Variants in RUNX1 observed in about 807,000 individuals in gnomAD.
RUNX1 encodes RUNX family transcription factor 1.
In RUNX1, 19 loss-of-function variants were observed where a neutral mutation model predicts 42.8. The observed-to-expected ratio is 0.44, with a 90% CI of 0.31 to 0.65. RUNX1 has a LOEUF of 0.65. RUNX1 is among the 30% of genes least tolerant of loss of function. The probability of loss-of-function intolerance (pLI) is 0.07; values close to 1 mark genes in which losing one functional copy is unlikely to be tolerated. For synonymous variants in RUNX1, 271 were observed against 289.4 expected, an observed-to-expected ratio of 0.94 and a Z score of 0.64; for missense variants, 528 against 672.0, an observed-to-expected ratio of 0.79 and a Z score of 2.37.
At chr21:34,816,873 G>C (rs1418249274) in intron 7 of RUNX1, among the ~76,000 whole-genome samples, 1 of 152,164 alleles carries the variant, frequency 6.6e-6, no homozygotes, top group Non-Finnish European at 1.5e-5. Flanking sequence ...GCAAGAATGA[G>C]CTTCGGAAGA....
At chr21:35,041,656 CTTTCT>C (rs1568809230) in intron 2 of RUNX1, among the ~76,000 whole-genome samples, 7 of 126,840 alleles carry the variant, frequency 5.5e-5, no homozygotes, top group African/African-American at 1.4e-4. Flanking sequence ...CTTTTTCTTT[CTTTCT>C]TTTTTTTTTT....
chr21:34,792,598 A>C lies in RUNX1; in HGVS notation c.980T>G (p.Leu327Arg), dbSNP rs915447247. The C allele has an allele frequency of 1.3e-6, 2 of 1,592,950 alleles. No individual in the cohort carries two copies. Among genetic ancestry groups the C allele is most frequent in the Non-Finnish European group, 1.7e-6 (2 of 1,170,186 alleles). The part of the protein sequence containing the change: ...LSSRLSTAPD[L>R]TAFSDPRQFP... ...CTGGCGCGGGTCGCTGAACGCTGTC[A>C]GGTCGGGTGCCGCTGCAGGGCGGGC... The change falls in exon 9 of 9, where the codon CTG becomes CGG. Residue 327 changes from leucine to arginine, a missense_variant. This residue lies in a region of RUNX1 where 331 missense variants were observed against 382.5 expected (regional missense o/e 0.87). Coordinates refer to ENST00000675419, the MANE Select transcript of RUNX1 (RefSeq NM_001754.5). The surrounding 1 kb of genome is among the most constrained non-coding windows in gnomAD (Gnocchi z 6.9).
intron 2 of RUNX1, among the ~76,000 whole-genome samples, chr21:34,996,364 G>C (rs1365370429): frequency 6.6e-6 from 1 of 152,110 alleles, no homozygotes; most frequent in African/African-American, 2.4e-5. Context: ...CATTATAAGG[G>C]TGGGACTGGG....
chr21:34,888,098 C>T (rs922713423), intron 3 of RUNX1: 1 of 1,066,164 alleles, frequency 9.4e-7, no homozygotes, highest in South Asian at 4.5e-5. Context: ...CATGCAAACA[C>T]GCACTCTTCG....
In RUNX1 at chr21:34,993,987, A is replaced by C. The variant is rs971711629; in HGVS notation, c.58+54855T>G. Among the ~76,000 whole-genome samples the C allele has an allele frequency of 3.3e-5, 5 of 152,368 alleles. No homozygotes were observed. In the East Asian group the frequency reaches 9.6e-4, roughly 29 times the overall value. On this transcript the variant is annotated intron_variant, in intron 2 of 8. Transcript: ENST00000675419. ...GATTTTTTCATATCCTTTGAAGTCAAGCAAGTGGTTTTGGGGAAAGGGTTG... is the reference window on the plus strand; with the variant it reads ...GATTTTTTCATATCCTTTGAAGTCACGCAAGTGGTTTTGGGGAAAGGGTTG...
At chr21:34,892,037 C>G (rs920759566) in intron 3 of RUNX1, among the ~76,000 whole-genome samples, 1 of 152,190 alleles carries the variant, frequency 6.6e-6, no homozygotes, top group South Asian at 2.1e-4. Context: ...GGATTAGAAT[C>G]TCAACAATTC....
chr21:34,840,273 G>GT (rs1401544977), intron 6 of RUNX1, among the ~76,000 whole-genome samples: 3 of 152,280 alleles, frequency 2.0e-5, no homozygotes, highest in Non-Finnish European at 4.4e-5. Flanking sequence ...ACAGGACCGG[G>GT]TGTTAATGCA....
chr21:34,996,918 C>T (rs2146856750), intron 2 of RUNX1, among the ~76,000 whole-genome samples: 1 of 152,272 alleles, frequency 6.6e-6, no homozygotes, highest in South Asian at 2.1e-4. Flanking sequence ...GATACTATCA[C>T]AATATTTTGC....
Position 34,841,326 on chromosome 21 carries a change from G to T in RUNX1, c.614-6725C>A, listed in dbSNP as rs192540229. On this transcript the variant is annotated intron_variant, in intron 6 of 8. Coordinates refer to ENST00000675419, the MANE Select transcript of RUNX1 (RefSeq NM_001754.5). Reference sequence around the variant, plus strand: ...TTACCCACTCAGCGATTTCTAGAGGGGTGATGCTTTAGCCCCAGAGAATCA... The same window carrying T: ...TTACCCACTCAGCGATTTCTAGAGGTGTGATGCTTTAGCCCCAGAGAATCA... Among the ~76,000 whole-genome samples the T allele has an allele frequency of 5.9e-5, 9 of 152,190 alleles. No homozygotes were observed. The East Asian group carries it at 1.7e-3, about 29-fold the overall frequency.
Position 35,026,387 on chromosome 21 carries a change from T to C in RUNX1, c.58+22455A>G, listed in dbSNP as rs55876600. Among the ~76,000 whole-genome samples the C allele has an allele frequency of 3.5e-3, 527 of 152,266 alleles. 4 individuals are homozygous for C. Among genetic ancestry groups the C allele is most frequent in the Non-Finnish European group, 5.8e-3 (395 of 68,016 alleles). On this transcript the variant is annotated intron_variant, in intron 2 of 8. Transcript: ENST00000675419. ...AAAGGGGAAGATTGATAATTAGTTA[T>C]TCACCGCATAGAATCAGGCCAGGTC...
At chr21:34,923,147 T>C (rs948423589) in intron 2 of RUNX1, among the ~76,000 whole-genome samples, 1 of 152,224 alleles carries the variant, frequency 6.6e-6, no homozygotes, top group African/African-American at 2.4e-5. Flanking sequence ...ATTACCTCTG[T>C]TATGGTATGG....
intron 6 of RUNX1, among the ~76,000 whole-genome samples, chr21:34,847,046 A>C (rs557658205): frequency 2.0e-5 from 3 of 152,352 alleles, no homozygotes; most frequent in African/African-American, 4.8e-5. Context: ...AGGGGAAAAA[A>C]GGAATACGGA....
Position 35,010,864 on chromosome 21 carries a change from C to G in RUNX1, c.58+37978G>C, listed in dbSNP as rs78623271. Among the ~76,000 whole-genome samples, 247 of 152,290 alleles carry G rather than the reference C, an allele frequency of 1.6e-3. 10 individuals carry two copies. In the East Asian group the frequency reaches 0.036, roughly 22 times the overall value. ...CTATCATTAGAATCATCTGAAACAT[C>G]AGAATCATCTATTCTGGAAAAATCG... On this transcript the variant is annotated intron_variant, in intron 2 of 8. Coordinates refer to ENST00000675419, the MANE Select transcript of RUNX1 (RefSeq NM_001754.5).
intron 2 of RUNX1, among the ~76,000 whole-genome samples, chr21:35,023,870 A>G (rs2834737): frequency 0.45 from 68,867 of 151,614 alleles, 16,233 homozygotes; most frequent in Middle Eastern, 0.51. Context: ...TTTTGTAAAA[A>G]TAATAAACAC....
chr21:34,930,270 G>GTGTGTGTATATATATATATATATA (rs372412304), intron 2 of RUNX1, among the ~76,000 whole-genome samples: 5 of 122,944 alleles, frequency 4.1e-5, no homozygotes, highest in African/African-American at 1.5e-4. Context: ...GTGTGTGTAT[G>GTGTGTGTATATATATATATATATA]TATATATATA....
At chr21:34,865,956 G>A (rs1315159911) in intron 5 of RUNX1, among the ~76,000 whole-genome samples, 2 of 152,162 alleles carry the variant, frequency 1.3e-5, no homozygotes, top group Non-Finnish European at 2.9e-5. Context: ...ATAACACCCC[G>A]TGTCTGACGG....
At chr21:34,834,732 A>G in intron 6 of RUNX1, 131 bp from the exon 7 acceptor site, 1 of 793,694 alleles carries the variant, frequency 1.3e-6, no homozygotes, top group Non-Finnish European at 2.0e-6. Flanking sequence ...CCTCACCCCA[A>G]CATAGACTCG....
chr21:35,027,377 T>C (rs2059245163), intron 2 of RUNX1, among the ~76,000 whole-genome samples: 1 of 152,258 alleles, frequency 6.6e-6, no homozygotes, highest in South Asian at 2.1e-4. Flanking sequence ...CCTCAGATTC[T>C]GCACTTCTAA....
intron 7 of RUNX1, among the ~76,000 whole-genome samples, chr21:34,816,899 G>T (rs190977377): frequency 6.6e-6 from 1 of 152,270 alleles, no homozygotes; most frequent in African/African-American, 2.4e-5. Flanking sequence ...GCACCTTGTG[G>T]CCCAGAACAA....
Sources: gnomAD v4.1 joint callset for allele counts (sites outside exome capture counted in the v4.1 genomes callset) on GRCh38, gnomAD v4.1.1 for gene constraint, gnomAD v4.1.1 regional missense constraint, Gnocchi (gnomAD v3.1) non-coding constraint, MANE v1.5 for transcripts, NCBI Gene and HGNC (gene_info 2026-07-23, HGNC 2026-07-21) for gene names.